MARCHF9: variants seen among roughly 807,000 people sequenced by gnomAD.
MARCHF9 encodes membrane associated ring-CH-type finger 9, also known as E3 ubiquitin-protein ligase MARCHF9.
MARCHF9 carries 17 observed loss-of-function variants against 35.2 expected under a neutral mutation model. The observed-to-expected ratio is 0.48, with a 90% confidence interval of 0.33 to 0.72. The LOEUF is 0.72. Ranked by LOEUF, MARCHF9 falls within the 30% of genes least tolerant of loss-of-function variation. MARCHF9 has a pLI of 0.02. For synonymous variants in MARCHF9, 183 were observed against 207.4 expected (o/e 0.88, Z 1.01); for missense variants, 386 against 478.2 (o/e 0.81, Z 1.80).
Position 57,755,680 on chromosome 12 carries a change from G to T in MARCHF9, c.152G>T (p.Gly51Val), listed in dbSNP as rs1437389513. 7 of 1,280,664 alleles carry T rather than the reference G, an allele frequency of 5.5e-6. No individual in the cohort carries two copies. The highest frequency in any genetic ancestry group is 4.9e-6 in the Non-Finnish European group (5 of 1,017,730). The allele number at this position is 1,280,664 out of a possible 1,614,324, so 79.3% of individuals were successfully genotyped here. The stretch of plus-strand genomic sequence containing the variant: ...TTCGCTGGCTGCTCCACCCGGGACG[G>T]CGACGGCGACGAGGAGGAGTACTAC... ...APFAGCSTRDGDGDEEEYYGS... is the reference protein window; with the variant it reads ...APFAGCSTRDVDGDEEEYYGS... Residue 51 changes from glycine to valine, a missense_variant, in exon 1 of 4, where the codon GGC becomes GTC. This residue lies in a region of MARCHF9 where 219 missense variants were observed against 316.2 expected (regional missense o/e 0.69). Transcript: ENST00000266643.
At chr12:57,757,224 C>A in intron 2 of MARCHF9, 140 bp downstream of exon 2, 3 of 900,520 alleles carry the variant, frequency 3.3e-6, no homozygotes, top group Non-Finnish European at 4.8e-6. Context: ...TCCCGTGTGT[C>A]TGTATATCCT....
At position 57,756,925 on chromosome 12, in the gene MARCHF9, C is replaced by G. The variant is rs1279501731; in HGVS notation, c.358-4C>G. 9.8e-6 allele frequency: 15 copies of G among 1,534,202 alleles called. No homozygotes were observed. Among genetic ancestry groups the G allele is most frequent in the Non-Finnish European group, 1.2e-5 (14 of 1,139,156 alleles). On this transcript the variant is annotated splice_polypyrimidine_tract_variant and splice_region_variant and intron_variant, in intron 1 of 3. Transcript: ENST00000266643. ...GACAGGGCCCCTCCTCACTCTTCCT[C>G]CAGGGGGAGCTCTTAAGCCCCTGCC...
chr12:57,756,670 G>A (rs1013464072), intron 1 of MARCHF9, among the ~76,000 whole-genome samples: 4 of 152,148 alleles, frequency 2.6e-5, no homozygotes, highest in Non-Finnish European at 5.9e-5. Context: ...GAAAAGAGAA[G>A]ACCCAGCCCT....
chr12:57,755,878 C>G lies in MARCHF9; in HGVS notation c.350C>G (p.Pro117Arg), dbSNP rs1275681494. The G allele has an allele frequency of 3.3e-6, 5 of 1,521,284 alleles. No individual in the cohort carries two copies. The highest frequency in any genetic ancestry group is 3.5e-6 in the Non-Finnish European group (4 of 1,142,388). The allele number at this position is 1,521,284 out of a possible 1,614,324, so 94.2% of individuals were successfully genotyped here. A position where few individuals can be genotyped will look rare whatever the true frequency, so the allele number is the denominator to read the frequency against. Residue 117 changes from proline (P) to arginine (R), a missense_variant, in exon 1 of 4, where the codon CCG becomes CGG. Transcript: ENST00000266643. ...TPQCRICFQG[P>R]EQGELLSPCR... ...CAGTGCCGGATCTGCTTCCAGGGCC[C>G]GGAGCAGGTCAGGCCTGGGCACCTG...
chr12:57,755,523 C>T lies in MARCHF9; in HGVS notation c.-6C>T. On this transcript the variant is annotated 5_prime_UTR_variant, in exon 1 of 4. Coordinates refer to ENST00000266643, the MANE Select transcript of MARCHF9 (RefSeq NM_138396.6). ...CACGCTGCCCCCCGCCCCCGGTGTC[C>T]GGACGATGCTCAAGTCTCGGCTCCG... 1 of 1,195,470 alleles carries T rather than the reference C, an allele frequency of 8.4e-7. No homozygotes were observed. The highest frequency in any genetic ancestry group is 1.0e-6 in the Non-Finnish European group (1 of 954,772). 74.1% of individuals were successfully genotyped at this position (1,195,470 alleles called of 1,614,324 possible).
Position 57,758,670 on chromosome 12 carries a change from G to A in MARCHF9, c.814G>A (p.Gly272Arg), listed in dbSNP as rs1955301471. ...TTATGACAAGACCAAGGACATAGGA[G>A]GAGATGCAGGGGGAGGGACGGCAGG... ...LNYDKTKDIG[G>R]DAGGGTAGKS... Residue 272 changes from glycine to arginine, a missense_variant, in exon 4 of 4, where the codon GGA becomes AGA. Physicochemically the swap from Gly to Arg is moderately radical, Grantham distance 125. This residue lies in a region of MARCHF9 where 111 missense variants were observed against 112.4 expected (regional missense o/e 0.99). Coordinates refer to ENST00000266643, the MANE Select transcript of MARCHF9 (RefSeq NM_138396.6). The surrounding 1 kb of genome is among the most constrained non-coding windows in gnomAD (Gnocchi z 5.4). 7.4e-6 allele frequency: 12 copies of A among 1,613,690 alleles called. No individual in the cohort carries two copies. The highest frequency in any genetic ancestry group is 1.3e-5 in the African/African-American group (1 of 74,922).
Position 57,758,406 on chromosome 12 carries a change from C to T in MARCHF9, c.706+106C>T, listed in dbSNP as rs932556540. The T allele has an allele frequency of 2.4e-5, 33 of 1,386,590 alleles. No homozygotes were observed. The Admixed American group carries it at 4.8e-4, about 20-fold the overall frequency. 85.9% of individuals were successfully genotyped at this position (1,386,590 alleles called of 1,614,324 possible). On this transcript the variant is annotated intron_variant, in intron 3 of 3. Transcript: ENST00000266643. This position sits in a 1 kb window ranked among gnomAD's most constrained non-coding sequence, Gnocchi z 5.4. ...CTGGCTTTATTTTCTGCCACTGTAG[C>T]CTTTAGTGCTATCCTGGTGCCCCCT...
rs1324580396 is a variant in MARCHF9, at chr12:57,755,195, G to C, written c.-334G>C. On this transcript the variant is annotated 5_prime_UTR_variant, in exon 1 of 4. Coordinates refer to ENST00000266643, the MANE Select transcript of MARCHF9 (RefSeq NM_138396.6). ...GGGACCGAGAGAACGGCGATGGGGG[G>C]CGGCCCCGCCGCAGGAGGACCCGGG... is the stretch of plus-strand genomic sequence containing the variant. 1.2e-5 allele frequency: 2 copies of C among 161,932 alleles called. No homozygotes were observed. The highest frequency in any genetic ancestry group is 2.7e-5 in the Non-Finnish European group (2 of 74,708). The allele number at this position is 161,932 out of a possible 1,614,324, so 10.0% of individuals were successfully genotyped here.
Position 57,758,792 on chromosome 12 carries a change from C to A in MARCHF9, c.936C>A (p.Arg312=). ...AQRMRTLLPQ[R]CGYTILHLLG... ...GCATGCGGACGCTCTTGCCTCAGCG[C>A]TGCGGTTATACAATCTTGCACCTCC... Residue 312 remains arginine (R), a synonymous_variant, in exon 4 of 4, where the codon CGC becomes CGA. Coordinates refer to ENST00000266643, the MANE Select transcript of MARCHF9 (RefSeq NM_138396.6). This position sits in a 1 kb window ranked among gnomAD's most constrained non-coding sequence, Gnocchi z 5.4. 1 of 1,613,534 alleles carries A rather than the reference C, an allele frequency of 6.2e-7. No individual in the cohort carries two copies. The highest frequency in any genetic ancestry group is 8.5e-7 in the Non-Finnish European group (1 of 1,179,930).
At position 57,755,806 on chromosome 12, in the gene MARCHF9, A is replaced by T; in HGVS notation, c.278A>T (p.Asp93Val). Residue 93 changes from aspartate to valine, a missense_variant, in exon 1 of 4, where the codon GAC becomes GTC. Coordinates refer to ENST00000266643, the MANE Select transcript of MARCHF9 (RefSeq NM_138396.6). ...CCGCTGCCGCCCCCGGGCGCGCTGG[A>T]CGCCCTGTCGCTCAGCAGTAGCCTG... ...APPLPPPGAL[D>V]ALSLSSSLDS... 1 of 1,359,104 alleles carries T rather than the reference A, an allele frequency of 7.4e-7. No homozygotes were observed. The allele number at this position is 1,359,104 out of a possible 1,614,324, so 84.2% of individuals were successfully genotyped here. A position where few individuals can be genotyped will look rare whatever the true frequency, so the allele number is the denominator to read the frequency against.
chr12:57,756,012 G>A (rs960919331), intron 1 of MARCHF9, 127 bp downstream of exon 1: 16 of 614,932 alleles, frequency 2.6e-5, no homozygotes, highest in Non-Finnish European at 3.8e-5. Flanking sequence ...TGGGAATGGG[G>A]TGAGGCCGAG....
Position 57,756,983 on chromosome 12 carries a change from C to T in MARCHF9, c.412C>T (p.Pro138Ser), listed in dbSNP as rs1180395870. Residue 138 changes from proline (P) to serine (S), a missense_variant, in exon 2 of 4, where the codon CCC (proline) becomes TCC (serine). Coordinates refer to ENST00000266643, the MANE Select transcript of MARCHF9 (RefSeq NM_138396.6). The stretch of plus-strand genomic sequence containing the variant: ...CGGCTCAGTGCGCTGCACGCATCAG[C>T]CCTGCCTCATCCGCTGGATCAGCGA... ...CDGSVRCTHQ[P>S]CLIRWISERG... 6.2e-7 allele frequency: 1 copy of T among 1,602,718 alleles called. No individual in the cohort carries two copies. The highest frequency in any genetic ancestry group is 8.5e-7 in the Non-Finnish European group (1 of 1,174,764).
chr12:57,757,060 G>A lies in MARCHF9; in HGVS notation c.489G>A (p.Ala163=). Residue 163 remains alanine, a synonymous_variant, in exon 2 of 4, where the codon GCG becomes GCA. Transcript: ENST00000266643. ...GCTACTTCAAGTACCAGGTCCTGGC[G>A]ATCAGCACCAAGAACCCACTGCAGG... ...ELCYFKYQVL[A]ISTKNPLQWQ... The A allele has an allele frequency of 1.1e-5, 17 of 1,553,868 alleles. No individual in the cohort carries two copies. Among genetic ancestry groups the A allele is most frequent in the Non-Finnish European group, 1.5e-5 (17 of 1,148,266 alleles).
Position 57,755,220 on chromosome 12 carries a change from G to A in MARCHF9, c.-309G>A, listed in dbSNP as rs1445761932. The stretch of plus-strand genomic sequence containing the variant: ...GCGGCCCCGCCGCAGGAGGACCCGG[G>A]CGCGTAACCCCGGGGGCCCGGCCCG... On this transcript the variant is annotated 5_prime_UTR_variant, in exon 1 of 4. Coordinates refer to ENST00000266643, the MANE Select transcript of MARCHF9 (RefSeq NM_138396.6). 3 of 173,932 alleles carry A rather than the reference G, an allele frequency of 1.7e-5. No homozygotes were observed. Among genetic ancestry groups the A allele is most frequent in the African/African-American group, 7.2e-5 (3 of 41,830 alleles). The allele number at this position is 173,932 out of a possible 1,614,324, so 10.8% of individuals were successfully genotyped here. A position where few individuals can be genotyped will look rare whatever the true frequency, so the allele number is the denominator to read the frequency against.
chr12:57,757,755 T>G, intron 2 of MARCHF9: 1 of 586,326 alleles, frequency 1.7e-6, no homozygotes, highest in Non-Finnish European at 3.0e-6. Context: ...ATCTTCACAA[T>G]AATCTTATTA....
Position 57,758,434 on chromosome 12 carries a change from A to C in MARCHF9, c.707-129A>C, listed in dbSNP as rs1340310783. 2.2e-6 allele frequency: 3 copies of C among 1,338,098 alleles called. No individual in the cohort carries two copies. In the African/African-American group the frequency reaches 4.4e-5, roughly 20 times the overall value. 82.9% of individuals were successfully genotyped at this position (1,338,098 alleles called of 1,614,324 possible). On this transcript the variant is annotated intron_variant, in intron 3 of 3. Transcript: ENST00000266643. This position sits in a 1 kb window ranked among gnomAD's most constrained non-coding sequence, Gnocchi z 5.4. ...TTAGTGCTATCCTGGTGCCCCCTCA[A>C]CCCACTTCCCTGCTTCTCCAGGGCC...
rs1261770723 is a variant in MARCHF9 at position 57,758,416 on chromosome 12, T to A, written c.706+116T>A. The A allele has an allele frequency of 5.2e-6, 7 of 1,356,466 alleles. No homozygotes were observed. Among genetic ancestry groups the A allele is most frequent in the Middle Eastern group, 4.4e-4 (2 of 4,566 alleles). The allele number at this position is 1,356,466 out of a possible 1,614,324, so 84.0% of individuals were successfully genotyped here. On this transcript the variant is annotated intron_variant, in intron 3 of 3. Transcript: ENST00000266643. This position sits in a 1 kb window ranked among gnomAD's most constrained non-coding sequence, Gnocchi z 5.4. The stretch of plus-strand genomic sequence containing the variant: ...TTTCTGCCACTGTAGCCTTTAGTGC[T>A]ATCCTGGTGCCCCCTCAACCCACTT...
Position 57,756,995 on chromosome 12 carries a change from C to T in MARCHF9, c.424C>T (p.Arg142Cys), listed in dbSNP as rs898439037. 6.3e-7 allele frequency: 1 copy of T among 1,597,894 alleles called. No homozygotes were observed. The highest frequency in any genetic ancestry group is 8.5e-7 in the Non-Finnish European group (1 of 1,172,068). Residue 142 changes from arginine to cysteine, a missense_variant, in exon 2 of 4, where the codon CGC (arginine) becomes TGC (cysteine). Arg to Cys is a radical substitution (Grantham distance 180). Coordinates refer to ENST00000266643, the MANE Select transcript of MARCHF9 (RefSeq NM_138396.6). ...CTGCACGCATCAGCCCTGCCTCATC[C>T]GCTGGATCAGCGAGAGGGGCTCCTG... ...VRCTHQPCLI[R>C]WISERGSWSC...
rs1955283559 is a variant in MARCHF9 at position 57,755,850 on chromosome 12, C to T, written c.322C>T (p.Pro108Ser). The change falls in exon 1 of 4, where the codon CCT (proline) becomes TCT (serine). Residue 108 changes from proline to serine, a missense_variant. Transcript: ENST00000266643. ...SSSLDSGLRT[P>S]QCRICFQGPE... ...TAGCCTGGACAGCGGACTCCGAACC[C>T]CTCAGTGCCGGATCTGCTTCCAGGG... The T allele has an allele frequency of 3.3e-6, 5 of 1,528,544 alleles. No homozygotes were observed. Among genetic ancestry groups the T allele is most frequent in the Admixed American group, 1.9e-5 (1 of 52,500 alleles). 94.7% of individuals were successfully genotyped at this position (1,528,544 alleles called of 1,614,324 possible).
Sources: gnomAD v4.1 joint callset for allele counts (sites outside exome capture counted in the v4.1 genomes callset) on GRCh38, gnomAD v4.1.1 for gene constraint, gnomAD v4.1.1 regional missense constraint, Gnocchi (gnomAD v3.1) non-coding constraint, MANE v1.5 for transcripts, NCBI Gene and HGNC (gene_info 2026-07-23, HGNC 2026-07-21) for gene names.